The following EPHA6 variants were observed in gnomAD, a reference collection of about 807,000 sequenced individuals.
EPHA6 encodes ephrin type-A receptor 6.
A neutral mutation model predicts 112.0 loss-of-function variants in EPHA6; 50 were observed. The ratio of observed to expected loss-of-function variants is 0.45; its 90% CI spans 0.36 to 0.56. The LOEUF (loss-of-function observed/expected upper bound fraction) is 0.56, where lower values mean the gene tolerates loss of function less well. EPHA6 is among the 20% of genes least tolerant of loss of function. The probability of loss-of-function intolerance (pLI) is 0.00; values close to 1 mark genes in which losing one functional copy is unlikely to be tolerated. For synonymous variants in EPHA6, 529 were observed against 490.7 expected (o/e 1.08, Z -1.03); for missense variants, 1,280 against 1,417.4 (o/e 0.90, Z 1.56).
chr3:97,185,309 G>A (rs528049356), intron 3 of EPHA6, among the ~76,000 whole-genome samples: 2 of 151,918 alleles, frequency 1.3e-5, no homozygotes, highest in Non-Finnish European at 2.9e-5. Context: ...TTTTTGCAAT[G>A]TACTCGTCTG....
At position 96,970,701 on chromosome 3, in the gene EPHA6, C is replaced by T. The variant is rs146285396; in HGVS notation, c.451-16629C>T. Among the ~76,000 whole-genome samples the T allele has an allele frequency of 1.3e-3, 195 of 152,194 alleles. 1 individual carries two copies. The highest frequency in any genetic ancestry group is 7.9e-3 in the East Asian group (41 of 5,180). The stretch of plus-strand genomic sequence containing the variant: ...GGGAAGCTCTATGATGAAAAGACAA[C>T]GTCCTTGTCCTAACAGAGCTTACGG... On this transcript the variant is annotated intron_variant, in intron 2 of 17. Transcript: ENST00000389672.
chr3:96,992,668 G>A (rs990281899), intron 3 of EPHA6, among the ~76,000 whole-genome samples: 1 of 152,120 alleles, frequency 6.6e-6, no homozygotes, highest in Non-Finnish European at 1.5e-5. Flanking sequence ...AGCATTCAAG[G>A]AATTGTACAT....
chr3:97,197,163 C>T (rs1158947422), intron 3 of EPHA6, among the ~76,000 whole-genome samples: 1 of 152,038 alleles, frequency 6.6e-6, no homozygotes, highest in South Asian at 2.1e-4. Context: ...TGTTCTACAC[C>T]ACTGTGACTG....
At chr3:97,455,212 C>T (rs11925268) in intron 7 of EPHA6, among the ~76,000 whole-genome samples, 17,738 of 151,980 alleles carry the variant, frequency 0.12, 3,271 homozygotes, top group African/African-American at 0.39. Flanking sequence ...ACAAGTTTAA[C>T]GTAAGTTCAA....
At chr3:97,424,856 A>G (rs2088979749) in intron 6 of EPHA6, among the ~76,000 whole-genome samples, 1 of 151,678 alleles carries the variant, frequency 6.6e-6, no homozygotes, top group Admixed American at 6.6e-5. Context: ...ATACAATGGG[A>G]GTACAAGTGT....
Position 97,758,099 on chromosome 3 carries a change from T to C in EPHA6, c.*9398T>C, listed in dbSNP as rs1009904842. ...ATTTTTTATAGTTACTTCTCACTACTTACTGCTTATTCAGTTTGTAAAATC... is the reference window on the plus strand; with the variant it reads ...ATTTTTTATAGTTACTTCTCACTACCTACTGCTTATTCAGTTTGTAAAATC... On this transcript the variant is annotated 3_prime_UTR_variant, in exon 18 of 18. Transcript: ENST00000389672. Among the ~76,000 whole-genome samples, 1 of 152,016 alleles carries C rather than the reference T, an allele frequency of 6.6e-6. No individual in the cohort carries two copies. Among genetic ancestry groups the C allele is most frequent in the African/African-American group, 2.4e-5 (1 of 41,450 alleles).
intron 3 of EPHA6, among the ~76,000 whole-genome samples, chr3:97,225,837 G>A (rs2078338524): frequency 6.6e-6 from 1 of 152,170 alleles, no homozygotes; most frequent in Admixed American, 6.5e-5. Flanking sequence ...TGACTACTCA[G>A]AAGAACTGAA....
chr3:97,751,391 A>C lies in EPHA6; in HGVS notation c.*2690A>C, dbSNP rs370604513. Among the ~76,000 whole-genome samples the C allele has an allele frequency of 7.2e-5, 11 of 152,092 alleles. No individual in the cohort carries two copies. In the East Asian group the frequency reaches 1.7e-3, roughly 24 times the overall value. Reference sequence around the variant, plus strand: ...TCTCTCATCCCATGTCTCCTTCAAAATTCCTTTTAAATTATAATTTTATTT... The same window carrying C: ...TCTCTCATCCCATGTCTCCTTCAAACTTCCTTTTAAATTATAATTTTATTT... On this transcript the variant is annotated 3_prime_UTR_variant, in exon 18 of 18. Transcript: ENST00000389672.
intron 11 of EPHA6, among the ~76,000 whole-genome samples, chr3:97,539,007 CTTTCTTT>C (rs2092803126): frequency 6.7e-6 from 1 of 149,990 alleles, no homozygotes; most frequent in African/African-American, 2.5e-5. Flanking sequence ...TTCTTTCTTT[CTTTCTTT>C]CTTTCTTTCT....
At position 97,758,597 on chromosome 3, in the gene EPHA6, A is replaced by G. The variant is rs1443867655; in HGVS notation, c.*9896A>G. On this transcript the variant is annotated 3_prime_UTR_variant, in exon 18 of 18. Coordinates refer to ENST00000389672, the MANE Select transcript of EPHA6 (RefSeq NM_001080448.3). ...CCCTGTCTCATGGAATTGACCTTCT[A>G]GTGATAAAGACACACAATGAAGAAA... 6.6e-6 allele frequency among the ~76,000 whole-genome samples: 1 copy of G among 151,956 alleles called. No individual in the cohort carries two copies. The highest frequency in any genetic ancestry group is 1.5e-5 in the Non-Finnish European group (1 of 67,882).
intron 2 of EPHA6, among the ~76,000 whole-genome samples, chr3:96,886,821 G>C (rs946461011): frequency 6.6e-6 from 1 of 152,054 alleles, no homozygotes; most frequent in African/African-American, 2.4e-5. Context: ...GTTTTGATGT[G>C]TTTTTGGGAT....
intron 2 of EPHA6, among the ~76,000 whole-genome samples, chr3:96,920,206 T>G (rs899038368): frequency 6.6e-6 from 1 of 151,980 alleles, no homozygotes; most frequent in Non-Finnish European, 1.5e-5. Context: ...ACTTTCATTT[T>G]TAGTGACCTC....
At chr3:97,065,373 C>G (rs967777674) in intron 3 of EPHA6, among the ~76,000 whole-genome samples, 2 of 152,078 alleles carry the variant, frequency 1.3e-5, no homozygotes, top group Non-Finnish European at 2.9e-5. Flanking sequence ...GGCAAAGAGT[C>G]TTTCTTCAGA....
chr3:96,850,554 C>T (rs2035322660), intron 1 of EPHA6, among the ~76,000 whole-genome samples: 1 of 152,068 alleles, frequency 6.6e-6, no homozygotes, highest in Admixed American at 6.6e-5. Flanking sequence ...AAGGTGGTCA[C>T]GTAAGAGAGA....
intron 2 of EPHA6, among the ~76,000 whole-genome samples, chr3:96,928,562 T>G (rs892545887): frequency 6.6e-6 from 1 of 152,178 alleles, no homozygotes; most frequent in African/African-American, 2.4e-5. Flanking sequence ...TGAGAGTAAG[T>G]GCCGTGCGGT....
At chr3:97,481,461 T>C (rs754071372) in intron 9 of EPHA6, 1 of 1,298,814 alleles carries the variant, frequency 7.7e-7, no homozygotes, top group Non-Finnish European at 1.1e-6. Flanking sequence ...GTTAAAAATA[T>C]TTCAGAGGCA....
chr3:97,100,230 T>G (rs2047363050), intron 3 of EPHA6, among the ~76,000 whole-genome samples: 1 of 149,680 alleles, frequency 6.7e-6, no homozygotes, highest in Admixed American at 6.7e-5. Flanking sequence ...ACACAATAAA[T>G]ATAGTTTATA....
At chr3:97,265,839 G>A (rs1267170990) in intron 5 of EPHA6, among the ~76,000 whole-genome samples, 1 of 152,236 alleles carries the variant, frequency 6.6e-6, no homozygotes, top group Non-Finnish European at 1.5e-5. Context: ...ATGGCCCACT[G>A]CTGCTATCGG....
At chr3:97,724,647 G>A (rs765537096) in intron 15 of EPHA6, among the ~76,000 whole-genome samples, 3 of 151,840 alleles carry the variant, frequency 2.0e-5, no homozygotes, top group Non-Finnish European at 2.9e-5. Context: ...CACACCTACA[G>A]TCACAGTTAC....
Sources: gnomAD v4.1 joint callset for allele counts (sites outside exome capture counted in the v4.1 genomes callset) on GRCh38, gnomAD v4.1.1 for gene constraint, MANE v1.5 for transcripts, NCBI Gene and HGNC (gene_info 2026-07-23, HGNC 2026-07-21) for gene names.